The following CCSER1 variants were observed in gnomAD, a reference collection of about 807,000 sequenced individuals.
CCSER1 encodes the protein coiled-coil serine rich protein 1, also known as serine-rich coiled-coil domain-containing protein 1.
A neutral mutation model predicts 82.0 loss-of-function variants in CCSER1; 41 were observed. The observed-to-expected ratio is 0.50, with a 90% CI of 0.39 to 0.65. CCSER1 has a LOEUF of 0.65. Among genes scored for constraint, CCSER1 ranks in the 30% least tolerant of loss-of-function variants. The pLI, the probability that CCSER1 is intolerant of heterozygous loss-of-function variation, is 0.00. For missense variants in CCSER1, 1,119 were observed against 1,064.2 expected, an observed-to-expected ratio of 1.05 and a Z score of -0.72; for synonymous variants, 414 against 383.9, an observed-to-expected ratio of 1.08 and a Z score of -0.92.
intron 1 of CCSER1, among the ~76,000 whole-genome samples, chr4:90,302,927 T>C (rs1579061659): frequency 6.6e-6 from 1 of 152,142 alleles, no homozygotes; most frequent in African/African-American, 2.4e-5. Flanking sequence ...CTAATGAATC[T>C]GGAGATGTAG....
chr4:90,971,127 G>T (rs1009284187), intron 9 of CCSER1, among the ~76,000 whole-genome samples: 3 of 151,910 alleles, frequency 2.0e-5, no homozygotes, highest in African/African-American at 7.3e-5. Flanking sequence ...AATGGTATTT[G>T]TTCTCATACT....
At chr4:90,772,417 T>C (rs1752319591) in intron 7 of CCSER1, among the ~76,000 whole-genome samples, 1 of 152,308 alleles carries the variant, frequency 6.6e-6, no homozygotes, top group Middle Eastern at 3.4e-3. Context: ...ATTTATTGAT[T>C]ACTGTTCTAT....
chr4:90,856,357 C>T lies in CCSER1; in HGVS notation c.2094+40512C>T, dbSNP rs1406909701. On this transcript the variant is annotated intron_variant, in intron 8 of 10. Coordinates refer to ENST00000509176, the MANE Select transcript of CCSER1 (RefSeq NM_001145065.2). ...AAGATAATATATAGAAAGTAACATT[C>T]GATGTATCAAATTTTTAAAGCTAAT... Among the ~76,000 whole-genome samples, 7 of 152,028 alleles carry T rather than the reference C, an allele frequency of 4.6e-5. No homozygotes were observed. The East Asian group carries it at 7.7e-4, about 17-fold the overall frequency.
In CCSER1 at chr4:91,012,169, G is replaced by A. The variant is rs1000216206; in HGVS notation, c.2173-73781G>A. 6.7e-5 allele frequency among the ~76,000 whole-genome samples: 9 copies of A among 134,774 alleles called. 1 individual carries two copies. Among genetic ancestry groups the A allele is most frequent in the African/African-American group, 2.2e-4 (9 of 40,376 alleles). 88.4% of individuals were successfully genotyped at this position (134,774 alleles called of 152,430 possible). A position where few individuals can be genotyped will look rare whatever the true frequency, so the allele number is the denominator to read the frequency against. On this transcript the variant is annotated intron_variant, in intron 9 of 10. Coordinates refer to ENST00000509176, the MANE Select transcript of CCSER1 (RefSeq NM_001145065.2). Reference sequence around the variant, plus strand: ...TCAGGGGCTATGACTTCTCAGGGTAGCCAGGGTATTTTCCCCAGAGGTACA... The same window carrying A: ...TCAGGGGCTATGACTTCTCAGGGTAACCAGGGTATTTTCCCCAGAGGTACA...
intron 7 of CCSER1, among the ~76,000 whole-genome samples, chr4:90,760,573 GATA>G (rs960334694): frequency 2.6e-5 from 4 of 151,880 alleles, no homozygotes; most frequent in African/African-American, 7.3e-5. Flanking sequence ...ATTAGTTTAT[GATA>G]ATAATACTAG....
At chr4:90,362,278 G>T (rs1745510373) in intron 3 of CCSER1, among the ~76,000 whole-genome samples, 1 of 152,158 alleles carries the variant, frequency 6.6e-6, no homozygotes, top group Non-Finnish European at 1.5e-5. Flanking sequence ...TCTTGATAGG[G>T]TGTAGGGCAA....
intron 10 of CCSER1, among the ~76,000 whole-genome samples, chr4:91,252,703 C>T (rs956729977): frequency 2.6e-5 from 4 of 152,036 alleles, no homozygotes; most frequent in African/African-American, 4.8e-5. Context: ...TGAAAAGAAG[C>T]AGGGTTTGTG....
At chr4:91,316,092 A>C (rs1289596352) in intron 10 of CCSER1, among the ~76,000 whole-genome samples, 1 of 151,956 alleles carries the variant, frequency 6.6e-6, no homozygotes, top group Non-Finnish European at 1.5e-5. Flanking sequence ...GCCTGCCGCC[A>C]TGTAGGACGT....
intron 8 of CCSER1, among the ~76,000 whole-genome samples, chr4:90,830,226 G>T (rs978551148): frequency 6.6e-6 from 1 of 152,110 alleles, no homozygotes; most frequent in Non-Finnish European, 1.5e-5. Flanking sequence ...CATACTATGT[G>T]TCAATATTAT....
Position 90,468,247 on chromosome 4 carries a change from C to T in CCSER1, c.1617C>T (p.Asp539=). 1 of 1,599,124 alleles carries T rather than the reference C, an allele frequency of 6.3e-7. No homozygotes were observed. The highest frequency in any genetic ancestry group is 8.5e-7 in the Non-Finnish European group (1 of 1,171,758). ...QSLHPSVCRE[D]SYHSVVSCAA... ...TTTTTTGAACAGTTTGCCGGGAGGA[C>T]TCATATCACTCTGTCGTCTCATGTG... The change falls in exon 5 of 11, where the codon GAC becomes GAT. Residue 539 remains aspartate, a synonymous_variant. Transcript: ENST00000509176.
chr4:91,379,888 C>G (rs137866230), intron 10 of CCSER1, among the ~76,000 whole-genome samples: 2,989 of 152,258 alleles, frequency 0.02, 76 homozygotes, highest in African/African-American at 0.067. Flanking sequence ...GCATTAAGTG[C>G]TATAAATTTC....
At chr4:90,150,491 CT>C (rs1726630101) in intron 1 of CCSER1, among the ~76,000 whole-genome samples, 1 of 152,068 alleles carries the variant, frequency 6.6e-6, no homozygotes, top group African/African-American at 2.4e-5. Context: ...CTTGTGACCA[CT>C]GTGTATGTGT....
At chr4:90,408,131 G>A (rs1013618863) in intron 4 of CCSER1, among the ~76,000 whole-genome samples, 2 of 152,232 alleles carry the variant, frequency 1.3e-5, no homozygotes, top group African/African-American at 4.8e-5. Context: ...AAACAGAGCG[G>A]CTGGGAAGCT....
At chr4:90,229,307 G>T (rs187895843) in intron 1 of CCSER1, among the ~76,000 whole-genome samples, 112 of 152,232 alleles carry the variant, frequency 7.4e-4, no homozygotes, top group African/African-American at 2.4e-3. Flanking sequence ...GAGAGTGGGG[G>T]CCAATATTCA....
intron 3 of CCSER1, among the ~76,000 whole-genome samples, chr4:90,322,345 T>G (rs996358809): frequency 1.3e-5 from 2 of 152,230 alleles, no homozygotes; most frequent in African/African-American, 4.8e-5. Flanking sequence ...TGCGTGTCTG[T>G]TTTTATGATA....
chr4:91,049,142 C>T (rs1742777904), intron 9 of CCSER1, among the ~76,000 whole-genome samples: 1 of 152,044 alleles, frequency 6.6e-6, no homozygotes, highest in Non-Finnish European at 1.5e-5. Context: ...ATTTAATAAA[C>T]TTTTAAATGA....
intron 6 of CCSER1, among the ~76,000 whole-genome samples, chr4:90,721,657 G>C (rs1032787672): frequency 4.0e-5 from 6 of 151,654 alleles, no homozygotes; most frequent in African/African-American, 1.5e-4. Flanking sequence ...TTGAATGAAA[G>C]AGTAAATGGA....
intron 1 of CCSER1, among the ~76,000 whole-genome samples, chr4:90,210,778 A>G (rs1739842336): frequency 6.6e-6 from 1 of 152,152 alleles, no homozygotes; most frequent in Admixed American, 6.5e-5. Flanking sequence ...AAAATAAAAG[A>G]CACAGATGGC....
chr4:90,228,020 C>G (rs1712935784), intron 1 of CCSER1, among the ~76,000 whole-genome samples: 2 of 152,222 alleles, frequency 1.3e-5, no homozygotes, highest in South Asian at 2.1e-4. Context: ...TGAGATCAAA[C>G]TGCAAGGTGG....
Sources: allele counts gnomAD v4.1 joint callset (sites outside exome capture counted in the v4.1 genomes callset), GRCh38; gene constraint gnomAD v4.1.1; transcripts MANE v1.5; gene names NCBI Gene and HGNC (gene_info 2026-07-23, HGNC 2026-07-21).